GTF2H1: variants seen among roughly 807,000 people sequenced by gnomAD.
GTF2H1 encodes general transcription factor IIH subunit 1, also known as BTF2 p62.
In GTF2H1, 16 loss-of-function variants were observed where a neutral mutation model predicts 71.2. The ratio of observed to expected loss-of-function variants is 0.22; its 90% CI spans 0.15 to 0.34. GTF2H1 has a LOEUF of 0.34. Ranked by LOEUF, GTF2H1 falls within the 10% of genes least tolerant of loss-of-function variation. The pLI, the probability that GTF2H1 is intolerant of heterozygous loss-of-function variation, is 1.00. For synonymous variants in GTF2H1, 215 were observed against 219.0 expected (o/e 0.98, Z 0.16); for missense variants, 498 against 648.2 (o/e 0.77, Z 2.52).
At chr11:18,361,437 C>T (rs1462742357) in intron 14 of GTF2H1, among the ~76,000 whole-genome samples, 1 of 152,084 alleles carries the variant, frequency 6.6e-6, no homozygotes, top group African/African-American at 2.4e-5. Flanking sequence ...GAGGCCAAGG[C>T]AGGCTGATCA....
intron 14 of GTF2H1, among the ~76,000 whole-genome samples, chr11:18,363,029 A>G (rs1018180849): frequency 6.6e-6 from 1 of 151,916 alleles, no homozygotes; most frequent in Admixed American, 6.6e-5. Flanking sequence ...CTAAGACACA[A>G]ACACACATTA....
intron 14 of GTF2H1, among the ~76,000 whole-genome samples, chr11:18,364,234 TAAAC>T (rs1415304408): frequency 6.6e-6 from 1 of 152,160 alleles, no homozygotes; most frequent in African/African-American, 2.4e-5. Context: ...CCCATAATGA[TAAAC>T]AGGTATGGCA....
At chr11:18,344,635 AAGG>A (rs1307190278) in intron 7 of GTF2H1, among the ~76,000 whole-genome samples, 3 of 137,916 alleles carry the variant, frequency 2.2e-5, no homozygotes, top group South Asian at 2.3e-4. Flanking sequence ...AAAAAAAAAA[AAGG>A]ATTATAATAT....
Position 18,338,203 on chromosome 11 carries a change from A to C in GTF2H1, c.442A>C (p.Asn148His). 1 of 1,608,728 alleles carries C rather than the reference A, an allele frequency of 6.2e-7. No homozygotes were observed. The highest frequency in any genetic ancestry group is 8.5e-7 in the Non-Finnish European group (1 of 1,175,072). The change falls in exon 4 of 15, where the codon AAT becomes CAT. Residue 148 changes from asparagine to histidine, a missense_variant. By Grantham distance (68) the Asn-to-His change is moderately conservative. This residue lies in a region of GTF2H1 where 216 missense variants were observed against 306.2 expected (regional missense o/e 0.71). Transcript: ENST00000265963. ...TGAGGAATTCTGGGCCAATCGTTTA[A>C]ATGTGAATGCAACAGATAGTTCTTC... is the stretch of plus-strand genomic sequence containing the variant. ...SAEEFWANRL[N>H]VNATDSSSTS...
At position 18,358,013 on chromosome 11, in the gene GTF2H1, T is replaced by C. The variant is rs1220434215; in HGVS notation, c.1322T>C (p.Met441Thr). The C allele has an allele frequency of 6.2e-6, 10 of 1,612,764 alleles. No homozygotes were observed. The highest frequency in any genetic ancestry group is 2.2e-5 in the East Asian group (1 of 44,872). Residue 441 changes from methionine to threonine, a missense_variant, in exon 12 of 15, where the codon ATG becomes ACG. Met to Thr is a moderately conservative substitution (Grantham distance 81). This residue lies in a region of GTF2H1 where 266 missense variants were observed against 301.6 expected (regional missense o/e 0.88). Coordinates refer to ENST00000265963, the MANE Select transcript of GTF2H1 (RefSeq NM_005316.4). ...GCACTGTCACCTGGAGGGGCACTTA[T>C]GCAGGGAGGAACACAGCAAGCCATA... ...ITALSPGGAL[M>T]QGGTQQAINQ...
At chr11:18,349,335 T>C (rs553413203) in intron 9 of GTF2H1, among the ~76,000 whole-genome samples, 1 of 152,340 alleles carries the variant, frequency 6.6e-6, no homozygotes, top group South Asian at 2.1e-4. Flanking sequence ...AGTGATACTT[T>C]CTTTGTATAC....
chr11:18,342,335 C>T (rs1865180153), intron 7 of GTF2H1, among the ~76,000 whole-genome samples: 2 of 134,480 alleles, frequency 1.5e-5, no homozygotes, highest in Non-Finnish European at 1.5e-5. Context: ...AATCTTGGCT[C>T]ACTGCAACCT....
At chr11:18,363,844 G>A (rs368756703) in intron 14 of GTF2H1, among the ~76,000 whole-genome samples, 12 of 151,932 alleles carry the variant, frequency 7.9e-5, no homozygotes, top group Admixed American at 1.3e-4. Flanking sequence ...AGGCTGAGGC[G>A]GGTGGATCAC....
At position 18,366,761 on chromosome 11, in the gene GTF2H1, A is replaced by G. The variant is rs1179427481; in HGVS notation, c.*892A>G. The G allele has an allele frequency of 6.6e-6, 1 of 152,586 alleles. No individual in the cohort carries two copies. The highest frequency in any genetic ancestry group is 6.5e-5 in the Admixed American group (1 of 15,284). 9.5% of individuals were successfully genotyped at this position (152,586 alleles called of 1,614,324 possible). ...TTTAAAAATCTTATGAGTGAGAAAT[A>G]TTAAAAAAATCTTATTTTCACCTCT... is the stretch of plus-strand genomic sequence containing the variant. On this transcript the variant is annotated 3_prime_UTR_variant, in exon 15 of 15. Coordinates refer to ENST00000265963, the MANE Select transcript of GTF2H1 (RefSeq NM_005316.4).
At chr11:18,325,577 G>A (rs1395798497) in intron 1 of GTF2H1, among the ~76,000 whole-genome samples, 6 of 152,112 alleles carry the variant, frequency 3.9e-5, no homozygotes, top group African/African-American at 9.7e-5. Context: ...GTCAGGAGAC[G>A]TGTACATTAA....
chr11:18,365,175 C>G (rs1033266455), intron 14 of GTF2H1, among the ~76,000 whole-genome samples: 7 of 151,310 alleles, frequency 4.6e-5, no homozygotes, highest in Non-Finnish European at 8.8e-5. Flanking sequence ...GCCAGGAGTT[C>G]AAGACCAGCC....
rs139886224 is a variant in GTF2H1, at chr11:18,339,574, G to A, written c.524G>A (p.Arg175Gln). ...TGGGCTTTGTTTTAGGCTGATGTCC[G>A]GCCCCAAACTGATGGCTGTAACGGT... is the stretch of plus-strand genomic sequence containing the variant. ...GISAAFLADV[R>Q]PQTDGCNGLR... The change falls in exon 5 of 15, where the codon CGG becomes CAG. Residue 175 changes from arginine to glutamine, a missense_variant. By Grantham distance (43) the Arg-to-Gln change is conservative. Coordinates refer to ENST00000265963, the MANE Select transcript of GTF2H1 (RefSeq NM_005316.4). The A allele has an allele frequency of 2.2e-5, 36 of 1,612,102 alleles. No homozygotes were observed. Among genetic ancestry groups the A allele is most frequent in the African/African-American group, 1.2e-4 (9 of 74,938 alleles).
Position 18,338,031 on chromosome 11 carries a change from C to A in GTF2H1, c.348-78C>A, listed in dbSNP as rs532735846. 6.3e-6 allele frequency: 6 copies of A among 955,248 alleles called. No individual in the cohort carries two copies. In the East Asian group the frequency reaches 1.5e-4, roughly 24 times the overall value. The allele number at this position is 955,248 out of a possible 1,614,324, so 59.2% of individuals were successfully genotyped here. A position where few individuals can be genotyped will look rare whatever the true frequency, so the allele number is the denominator to read the frequency against. ...TTGTGTGTTTCAATGTTTTGTGTTGCCAAAATCTTTTTAAAATGTACCTAC... is the reference window on the plus strand; with the variant it reads ...TTGTGTGTTTCAATGTTTTGTGTTGACAAAATCTTTTTAAAATGTACCTAC... On this transcript the variant is annotated intron_variant, in intron 3 of 14. Coordinates refer to ENST00000265963, the MANE Select transcript of GTF2H1 (RefSeq NM_005316.4).
intron 7 of GTF2H1, among the ~76,000 whole-genome samples, chr11:18,345,994 G>A (rs1007533783): frequency 2.7e-5 from 4 of 150,304 alleles, no homozygotes; most frequent in African/African-American, 9.8e-5. Flanking sequence ...ATTTCACCGT[G>A]TTAGCCAGGA....
chr11:18,350,990 C>T (rs1865407800), intron 9 of GTF2H1, among the ~76,000 whole-genome samples: 1 of 152,106 alleles, frequency 6.6e-6, no homozygotes, highest in Non-Finnish European at 1.5e-5. Flanking sequence ...ATACACATGA[C>T]ATTTTAAAAA....
intron 14 of GTF2H1, among the ~76,000 whole-genome samples, chr11:18,362,499 T>C (rs1179815603): frequency 6.6e-6 from 1 of 152,138 alleles, no homozygotes; most frequent in Non-Finnish European, 1.5e-5. Flanking sequence ...TTATAAACTT[T>C]TAAATATTTT....
chr11:18,346,566 C>G (rs1014411577), intron 7 of GTF2H1, among the ~76,000 whole-genome samples: 4 of 152,058 alleles, frequency 2.6e-5, no homozygotes, highest in Admixed American at 2.0e-4. Context: ...AGCGTGCACT[C>G]AATACATGTT....
intron 7 of GTF2H1, 191 bp downstream of exon 7, chr11:18,341,798 T>G: frequency 2.1e-6 from 1 of 472,896 alleles, no homozygotes; most frequent in Non-Finnish European, 3.7e-6. Flanking sequence ...GAAATGAAAT[T>G]CCTGTGTGAG....
chr11:18,365,882 G>A lies in GTF2H1; in HGVS notation c.*13G>A. 6.3e-7 allele frequency: 1 copy of A among 1,594,098 alleles called. No homozygotes were observed. On this transcript the variant is annotated 3_prime_UTR_variant, in exon 15 of 15. Coordinates refer to ENST00000265963, the MANE Select transcript of GTF2H1 (RefSeq NM_005316.4). ...GAAGAAAACGTGAGGTGGCCATGAT[G>A]CTTACAGGTTTTGTGAGATTGAGAG...
Sources: gnomAD v4.1 joint callset for allele counts (sites outside exome capture counted in the v4.1 genomes callset) on GRCh38, gnomAD v4.1.1 for gene constraint, gnomAD v4.1.1 regional missense constraint, MANE v1.5 for transcripts, NCBI Gene and HGNC (gene_info 2026-07-23, HGNC 2026-07-21) for gene names.